MYH14: variants seen among roughly 807,000 people sequenced by gnomAD.
MYH14 encodes myosin-14.
In MYH14, 123 loss-of-function variants were observed where a neutral mutation model predicts 255.5. The ratio of observed to expected loss-of-function variants is 0.48; its 90% confidence interval spans 0.42 to 0.56. The LOEUF (loss-of-function observed/expected upper bound fraction) is 0.56. Among genes scored for constraint, MYH14 ranks in the 20% least tolerant of loss-of-function variants. The pLI is 0.00. For synonymous variants in MYH14, 1,095 were observed against 1,161.2 expected (o/e 0.94, Z 1.16); for missense variants, 2,423 against 2,802.3 (o/e 0.86, Z 3.06).
At chr19:50,228,767 T>C (rs1051771198) in intron 8 of MYH14, among the ~76,000 whole-genome samples, 1 of 152,220 alleles carries the variant, frequency 6.6e-6, no homozygotes, top group Non-Finnish European at 1.5e-5. Flanking sequence ...CACTTTCTCC[T>C]GTCCACGCTC....
intron 10 of MYH14, among the ~76,000 whole-genome samples, chr19:50,238,014 G>A (rs2033735999): frequency 6.6e-6 from 1 of 152,154 alleles, no homozygotes; most frequent in Non-Finnish European, 1.5e-5. Context: ...TCACCCACAG[G>A]GAGCCCAAGG....
At chr19:50,227,869 A>G (rs746741502) in intron 8 of MYH14, among the ~76,000 whole-genome samples, 6 of 152,190 alleles carry the variant, frequency 3.9e-5, no homozygotes, top group Non-Finnish European at 7.4e-5. Context: ...CTCCCTCTGT[A>G]GAAGGAGAAG....
intron 26 of MYH14, 143 bp downstream of exon 26, chr19:50,272,115 A>T: frequency 9.0e-7 from 1 of 1,114,206 alleles, no homozygotes; most frequent in Non-Finnish European, 1.3e-6. Flanking sequence ...GTGTCCTCCC[A>T]GCTCTTGAGT....
intron 2 of MYH14, among the ~76,000 whole-genome samples, chr19:50,215,862 GA>G (rs1292777888): frequency 2.6e-5 from 4 of 152,162 alleles, no homozygotes; most frequent in African/African-American, 7.2e-5. Flanking sequence ...AACCAGCTTA[GA>G]AACCAGCTAG....
chr19:50,242,521 G>T (rs769601082), intron 10 of MYH14, among the ~76,000 whole-genome samples: 1 of 152,210 alleles, frequency 6.6e-6, no homozygotes, highest in Non-Finnish European at 1.5e-5. Context: ...AGAACAGTAT[G>T]GGGGAAACAG....
chr19:50,211,734 T>C (rs1600857760), intron 2 of MYH14, among the ~76,000 whole-genome samples: 2 of 151,542 alleles, frequency 1.3e-5, no homozygotes, highest in East Asian at 3.9e-4. Context: ...GTAATCTCAG[T>C]ACTTTGAGAG....
At chr19:50,306,045 G>A (rs2036640685) in intron 40 of MYH14, among the ~76,000 whole-genome samples, 1 of 152,152 alleles carries the variant, frequency 6.6e-6, no homozygotes, top group African/African-American at 2.4e-5. Context: ...TTGGGAGGCC[G>A]AGGCGGGCGG....
At chr19:50,208,028 C>T (rs2031913103) in intron 1 of MYH14, among the ~76,000 whole-genome samples, 1 of 152,194 alleles carries the variant, frequency 6.6e-6, no homozygotes, top group Non-Finnish European at 1.5e-5. Context: ...CAGAGAGGCC[C>T]TCCCTGGCCA....
chr19:50,271,499 G>C lies in MYH14; in HGVS notation c.3124G>C (p.Glu1042Gln). 6.2e-7 allele frequency: 1 copy of C among 1,607,322 alleles called. No homozygotes were observed. The highest frequency in any genetic ancestry group is 1.1e-5 in the South Asian group (1 of 89,480). ...GACAGAGGCAAAAATGAAGAAATTT[G>C]AAGAGGACCTGCTGCTCCTGGAAGA... ...VTTEAKMKKF[E>Q]EDLLLLEDQN... The change falls in exon 25 of 43, where the codon GAA (glutamate) becomes CAA (glutamine). Residue 1042 changes from glutamate to glutamine, a missense_variant. Physicochemically the swap from Glu to Gln is conservative, Grantham distance 29 (BLOSUM62 2). Transcript: ENST00000642316.
intron 24 of MYH14, 58 bp from the exon 25 acceptor site, chr19:50,271,351 C>T: frequency 6.4e-7 from 1 of 1,550,968 alleles, no homozygotes; most frequent in South Asian, 1.2e-5. Context: ...CCCATCCTTC[C>T]CCATCACACT....
At position 50,250,611 on chromosome 19, in the gene MYH14, G is replaced by A; in HGVS notation, c.1753G>A (p.Gly585Ser). The change falls in exon 15 of 43, where the codon GGC becomes AGC. Residue 585 changes from glycine (G) to serine (S), a missense_variant. Physicochemically the swap from Gly to Ser is moderately conservative, Grantham distance 56. This residue lies in a region of MYH14 where 672 missense variants were observed against 881.8 expected (regional missense o/e 0.76). Transcript: ENST00000642316. This position sits in a 1 kb window ranked among gnomAD's most constrained non-coding sequence, Gnocchi z 5.4. ...TGTGGAGAAGGTAGCCCAGGAGCAG[G>A]GCGGCCACCCCAAGTTCCAGCGGCC... is the stretch of plus-strand genomic sequence containing the variant. The part of the protein sequence containing the change: ...SFVEKVAQEQ[G>S]GHPKFQRPRH... The A allele has an allele frequency of 1.2e-6, 2 of 1,613,998 alleles. No homozygotes were observed. The highest frequency in any genetic ancestry group is 1.7e-6 in the Non-Finnish European group (2 of 1,179,918).
intron 39 of MYH14, among the ~76,000 whole-genome samples, chr19:50,297,231 G>T (rs889971146): frequency 1.3e-5 from 2 of 151,868 alleles, no homozygotes; most frequent in Non-Finnish European, 2.9e-5. Flanking sequence ...TGATCCGCCC[G>T]CCTCGGCCTC....
intron 33 of MYH14, among the ~76,000 whole-genome samples, chr19:50,282,704 A>G (rs2035765909): frequency 6.6e-6 from 1 of 151,532 alleles, no homozygotes; most frequent in Non-Finnish European, 1.5e-5. Context: ...CTCCATCTCA[A>G]AAAAAAAATA....
intron 7 of MYH14, among the ~76,000 whole-genome samples, chr19:50,226,388 C>G (rs2033101943): frequency 1.8e-5 from 1 of 56,514 alleles, no homozygotes; most frequent in African/African-American, 5.9e-5. Flanking sequence ...GGCTGGGGGC[C>G]TGGACTTTTG....
chr19:50,292,424 A>C, intron 37 of MYH14, 35 bp downstream of exon 37: 1 of 1,505,092 alleles, frequency 6.6e-7, no homozygotes, highest in African/African-American at 1.4e-5. Flanking sequence ...TGGGACAGGA[A>C]GCTGGGAGGT....
intron 12 of MYH14, among the ~76,000 whole-genome samples, chr19:50,247,643 G>A (rs1459251694): frequency 6.6e-6 from 1 of 152,176 alleles, no homozygotes; most frequent in Non-Finnish European, 1.5e-5. Context: ...TTGTTGGTCA[G>A]GAAAGTCCTC....
chr19:50,271,377 G>C, intron 24 of MYH14, 32 bp from the exon 25 acceptor site: 2 of 1,585,912 alleles, frequency 1.3e-6, no homozygotes, highest in Non-Finnish European at 1.7e-6. Flanking sequence ...TATTGGCCCA[G>C]TATCCTCACT....
In MYH14 at chr19:50,210,760, G is replaced by A; in HGVS notation, c.395G>A (p.Gly132Asp). Residue 132 changes from glycine (G) to aspartate (D), a missense_variant, in exon 2 of 43, where the codon GGC (glycine) becomes GAC (aspartate). By Grantham distance (94) the Gly-to-Asp change is moderately conservative. Transcript: ENST00000642316. ...LHNLRERYYS[G>D]LIYTYSGLFC... ...AACCTCCGGGAGCGGTACTACTCCG[G>A]CCTCATCTACGTGAGTGGGCTCCTG... 3 of 1,573,422 alleles carry A rather than the reference G, an allele frequency of 1.9e-6. No homozygotes were observed. The highest frequency in any genetic ancestry group is 8.6e-7 in the Non-Finnish European group (1 of 1,160,862).
chr19:50,299,598 T>G (rs2059112), intron 39 of MYH14, among the ~76,000 whole-genome samples: 94,169 of 139,070 alleles, frequency 0.68, 33,691 homozygotes, highest in East Asian at 0.99. Flanking sequence ...AAAAAAAATT[T>G]TAAAGGAATA....
Sources: allele counts gnomAD v4.1 joint callset (sites outside exome capture counted in the v4.1 genomes callset), GRCh38; gene constraint gnomAD v4.1.1; regional missense constraint gnomAD v4.1.1; non-coding constraint Gnocchi (gnomAD v3.1); transcripts MANE v1.5; gene names NCBI Gene and HGNC (gene_info 2026-07-23, HGNC 2026-07-21).